The following IL4R variants were observed in gnomAD, a reference collection of about 807,000 sequenced individuals.
IL4R encodes interleukin 4 receptor, also known as interleukin-4 receptor subunit alpha.
In IL4R, 17 loss-of-function variants were observed where a neutral mutation model predicts 41.5. That is an observed-to-expected ratio of 0.41 (90% confidence interval 0.28 to 0.61). IL4R has a LOEUF of 0.61. IL4R is among the 20% of genes least tolerant of loss of function. The pLI, the probability that IL4R is intolerant of heterozygous loss-of-function variation, is 0.31. For missense variants in IL4R, 974 were observed against 1,043.1 expected (o/e 0.93, Z 0.91); for synonymous variants, 402 against 422.9 (o/e 0.95, Z 0.61).
rs1223328737 is a variant in IL4R, at chr16:27,358,952, A to G, written c.807A>G (p.Pro269=). 6 of 1,614,086 alleles carry G rather than the reference A, an allele frequency of 3.7e-6. No homozygotes were observed. The highest frequency in any genetic ancestry group is 5.1e-6 in the Non-Finnish European group (6 of 1,179,932). The change falls in exon 9 of 11, where the codon CCA becomes CCG. Residue 269 remains proline, a synonymous_variant. Transcript: ENST00000395762. ...KKEWWDQIPN[P]ARSRLVAIII... ...AATGGTGGGATCAGATTCCCAACCC[A>G]GCCCGCAGCCGCCTCGTGGCTATAA...
rs758468843 is a variant in IL4R at position 27,362,637 on chromosome 16, G to A, written c.1285G>A (p.Glu429Lys). The change falls in exon 11 of 11, where the codon GAG becomes AAG. Residue 429 changes from glutamate (E) to lysine (K), a missense_variant. Around this residue, in one of 3 missense-constraint regions of IL4R, gnomAD observed 682 missense variants for 704.3 expected, o/e 0.97. Transcript: ENST00000395762. The part of the protein sequence containing the change: ...NGGFCQQDMG[E>K]SCLLPPSGST... ...GGGCTTTTGCCAGCAGGACATGGGG[G>A]AGTCATGCCTTCTTCCACCTTCGGG... The A allele has an allele frequency of 7.4e-6, 12 of 1,614,018 alleles. No individual in the cohort carries two copies. In the South Asian group the frequency reaches 8.8e-5, roughly 12 times the overall value.
At chr16:27,323,323 T>G (rs1016696095) in intron 1 of IL4R, among the ~76,000 whole-genome samples, 14 of 152,256 alleles carry the variant, frequency 9.2e-5, no homozygotes, top group African/African-American at 3.4e-4. Context: ...GGGCAAATTC[T>G]GAACCTCCCT....
chr16:27,356,379 C>T (rs2086080921), intron 8 of IL4R, among the ~76,000 whole-genome samples: 3 of 152,168 alleles, frequency 2.0e-5, no homozygotes, highest in Admixed American at 2.0e-4. Flanking sequence ...GTGTGAGCCA[C>T]TGCACCCAAC....
At chr16:27,320,728 G>A (rs868046070) in intron 1 of IL4R, among the ~76,000 whole-genome samples, 4 of 152,154 alleles carry the variant, frequency 2.6e-5, no homozygotes, top group Admixed American at 1.3e-4. Flanking sequence ...TTCCTGAAGC[G>A]GCCAGGGAAG....
At chr16:27,343,420 T>A (rs1330776912) in intron 4 of IL4R, among the ~76,000 whole-genome samples, 6 of 151,926 alleles carry the variant, frequency 3.9e-5, no homozygotes, top group Admixed American at 3.9e-4. Context: ...TTTTTGTTTG[T>A]TTGTTTGTTT....
chr16:27,333,332 C>T (rs189085454), intron 2 of IL4R, among the ~76,000 whole-genome samples: 1 of 151,984 alleles, frequency 6.6e-6, no homozygotes, highest in Non-Finnish European at 1.5e-5. Context: ...TTGAAATTGA[C>T]AAGCAGGATG....
At chr16:27,329,007 C>T (rs1047629936) in intron 1 of IL4R, among the ~76,000 whole-genome samples, 1 of 151,950 alleles carries the variant, frequency 6.6e-6, no homozygotes, top group African/African-American at 2.4e-5. Context: ...AAATGTGATC[C>T]CCAGTGTTGG....
In IL4R at chr16:27,364,115, C is replaced by G. The variant is rs1219138315; in HGVS notation, c.*285C>G. On this transcript the variant is annotated 3_prime_UTR_variant, in exon 11 of 11. Coordinates refer to ENST00000395762, the MANE Select transcript of IL4R (RefSeq NM_000418.4). ...CAGGAAAACTGAGGCCCTTGGGCAC[C>G]TCGACTTGTGAACGAGTTGTTGGCT... 3 of 396,660 alleles carry G rather than the reference C, an allele frequency of 7.6e-6. No individual in the cohort carries two copies. The highest frequency in any genetic ancestry group is 1.4e-5 in the Non-Finnish European group (3 of 220,204). The allele number at this position is 396,660 out of a possible 1,614,324, so 24.6% of individuals were successfully genotyped here.
chr16:27,359,961 C>A, intron 9 of IL4R: 1 of 396,404 alleles, frequency 2.5e-6, no homozygotes, highest in South Asian at 1.7e-5. Context: ...CTGGGCAGAT[C>A]TGAATTGAGC....
At chr16:27,313,843 CCGGGCGGGG>C (rs950971941), upstream of IL4R, 434 of 888,990 alleles carry the variant, frequency 4.9e-4, 2 homozygotes, top group Middle Eastern at 2.9e-3. Flanking sequence ...GCCGGGCGCG[CCGGGCGGGG>C]CGGCGCATGC....
chr16:27,361,852 T>C (rs976732671), intron 10 of IL4R, among the ~76,000 whole-genome samples: 1 of 152,104 alleles, frequency 6.6e-6, no homozygotes, highest in African/African-American at 2.4e-5. Flanking sequence ...ACTCCTGAGC[T>C]CAAGCGATCC....
At chr16:27,316,441 C>T (rs2084654417) in intron 1 of IL4R, among the ~76,000 whole-genome samples, 1 of 152,156 alleles carries the variant, frequency 6.6e-6, no homozygotes. Context: ...TGCCCTCTTC[C>T]ACCCACCCCA....
In IL4R at chr16:27,334,686, A is replaced by G. The variant is rs142410456; in HGVS notation, c.-19+4488A>G. Reference sequence around the variant, plus strand: ...AGTTGTGAGAGTAAAAGTTACTAGGACTTGCCAAGGAAATCAGTGTCAGGA... The same window carrying G: ...AGTTGTGAGAGTAAAAGTTACTAGGGCTTGCCAAGGAAATCAGTGTCAGGA... On this transcript the variant is annotated intron_variant, in intron 2 of 10. Coordinates refer to ENST00000395762, the MANE Select transcript of IL4R (RefSeq NM_000418.4). Among the ~76,000 whole-genome samples the G allele has an allele frequency of 3.6e-3, 541 of 152,156 alleles. 4 individuals are homozygous for G. The highest frequency in any genetic ancestry group is 6.5e-3 in the Non-Finnish European group (439 of 67,968).
At chr16:27,340,438 G>C (rs1367542053) in intron 3 of IL4R, among the ~76,000 whole-genome samples, 165 bp downstream of exon 3, 1 of 152,070 alleles carries the variant, frequency 6.6e-6, no homozygotes, top group Non-Finnish European at 1.5e-5. Flanking sequence ...AGAAAGTGAT[G>C]GGAGCCGGGT....
At chr16:27,319,188 T>C (rs1056074206) in intron 1 of IL4R, among the ~76,000 whole-genome samples, 2 of 152,176 alleles carry the variant, frequency 1.3e-5, no homozygotes, top group Non-Finnish European at 2.9e-5. Context: ...AGGAAGCTGG[T>C]GTGGTTGGAT....
At chr16:27,340,364 C>A in intron 3 of IL4R, 91 bp downstream of exon 3, 3 of 916,540 alleles carry the variant, frequency 3.3e-6, no homozygotes, top group Non-Finnish European at 5.3e-6. Context: ...GGAGATTACA[C>A]TGCAGTGGGA....
rs115569762 is a variant in IL4R at position 27,331,411 on chromosome 16, G to A, written c.-19+1213G>A. Among the ~76,000 whole-genome samples the A allele has an allele frequency of 8.7e-3, 1,317 of 152,120 alleles. 21 individuals carry two copies. The highest frequency in any genetic ancestry group is 0.03 in the African/African-American group (1,235 of 41,532). Reference sequence around the variant, plus strand: ...TTTCTGTGCCTTGGTTTCCTCATCTGAAAATGGAGAAAATAATATTACCTA... The same window carrying A: ...TTTCTGTGCCTTGGTTTCCTCATCTAAAAATGGAGAAAATAATATTACCTA... On this transcript the variant is annotated intron_variant, in intron 2 of 10. Coordinates refer to ENST00000395762, the MANE Select transcript of IL4R (RefSeq NM_000418.4).
At chr16:27,317,134 T>G (rs1369754497) in intron 1 of IL4R, among the ~76,000 whole-genome samples, 2 of 152,120 alleles carry the variant, frequency 1.3e-5, no homozygotes, top group Non-Finnish European at 2.9e-5. Context: ...GAACTGCTGG[T>G]CTCAAGCAGT....
Position 27,363,431 on chromosome 16 carries a change from A to G in IL4R, c.2079A>G (p.Pro693=), listed in dbSNP as rs1268062816. Residue 693 remains proline, a synonymous_variant, in exon 11 of 11, where the codon CCA becomes CCG. Transcript: ENST00000395762. ...AGGTAGAGGACATGCCAAAGCCCCC[A>G]CTTCCCCAGGAGCAGGCCACAGACC... ...GEKVEDMPKP[P]LPQEQATDPL... 1 of 1,614,022 alleles carries G rather than the reference A, an allele frequency of 6.2e-7. No homozygotes were observed. Among genetic ancestry groups the G allele is most frequent in the South Asian group, 1.1e-5 (1 of 91,076 alleles).
Sources: allele counts gnomAD v4.1 joint callset (sites outside exome capture counted in the v4.1 genomes callset), GRCh38; gene constraint gnomAD v4.1.1; regional missense constraint gnomAD v4.1.1; transcripts MANE v1.5; gene names NCBI Gene and HGNC (gene_info 2026-07-23, HGNC 2026-07-21).